The following SOX5 variants were observed in gnomAD, a reference collection of about 807,000 sequenced individuals.
SOX5 encodes SRY-box transcription factor 5.
Under a neutral mutation model 92.0 loss-of-function variants are expected in SOX5, and 9 were observed. That is an observed-to-expected ratio of 0.10 (90% CI 0.06 to 0.17). The LOEUF (loss-of-function observed/expected upper bound fraction) is 0.17, where lower values mean the gene tolerates loss of function less well. Among genes scored for constraint, SOX5 ranks in the 10% least tolerant of loss-of-function variants. The probability of loss-of-function intolerance (pLI) is 1.00; values close to 1 mark genes in which losing one functional copy is unlikely to be tolerated. For synonymous variants in SOX5, 344 were observed against 336.3 expected (o/e 1.02, Z -0.25); for missense variants, 642 against 944.5 (o/e 0.68, Z 4.20).
chr12:23,889,804 A>G (rs1437599384), intron 2 of SOX5, among the ~76,000 whole-genome samples: 1 of 152,188 alleles, frequency 6.6e-6, no homozygotes, highest in Non-Finnish European at 1.5e-5. Flanking sequence ...GTTTAAGCAT[A>G]TTAACATTAA....
chr12:23,538,562 G>T (rs1037146175), intron 13 of SOX5, among the ~76,000 whole-genome samples: 1 of 152,046 alleles, frequency 6.6e-6, no homozygotes, highest in African/African-American at 2.4e-5. Flanking sequence ...TATTCTCAGG[G>T]CCTATATAAA....
chr12:23,535,451 C>T (rs1186244853), intron 14 of SOX5, among the ~76,000 whole-genome samples: 1 of 152,202 alleles, frequency 6.6e-6, no homozygotes, highest in African/African-American at 2.4e-5. Flanking sequence ...ACTTGAAATT[C>T]TTAATAACTT....
At position 23,949,552 on chromosome 12, in the gene SOX5, A is replaced by T. The variant is rs748316904; in HGVS notation, c.38+12T>A. ...GTACTTCAATATATTAGGGGGAAAA[A>T]ACTGTACTCACCTTTCAAACTCCTG... On this transcript the variant is annotated intron_variant, in intron 1 of 14. Coordinates refer to ENST00000451604, the MANE Select transcript of SOX5 (RefSeq NM_006940.6). 9.3e-6 allele frequency: 15 copies of T among 1,613,474 alleles called. No homozygotes were observed. Among genetic ancestry groups the T allele is most frequent in the Non-Finnish European group, 1.3e-5 (15 of 1,179,592 alleles).
chr12:23,983,586 G>C (rs1416326881), intron 4 of SOX5, among the ~76,000 whole-genome samples: 1 of 152,100 alleles, frequency 6.6e-6, no homozygotes, highest in Non-Finnish European at 1.5e-5. Flanking sequence ...AGATTTTTGA[G>C]CAAGCAATTA....
chr12:23,549,139 T>C (rs1943702541), intron 11 of SOX5, among the ~76,000 whole-genome samples: 1 of 152,052 alleles, frequency 6.6e-6, no homozygotes, highest in Non-Finnish European at 1.5e-5. Flanking sequence ...AAAGGTAATA[T>C]TTTGATTCTC....
At chr12:24,193,796 C>T (rs143686903) in intron 4 of SOX5, among the ~76,000 whole-genome samples, 315 of 152,304 alleles carry the variant, frequency 2.1e-3, no homozygotes, top group Middle Eastern at 3.4e-3. Flanking sequence ...AAATTTGGAA[C>T]ACTGCCAACG....
chr12:24,437,891 A>G (rs1339478988), intron 1 of SOX5, among the ~76,000 whole-genome samples: 13 of 152,232 alleles, frequency 8.5e-5, no homozygotes, highest in Non-Finnish European at 1.6e-4. Context: ...TCAAGGATCT[A>G]GAACCAGAAA....
At chr12:24,159,659 G>A (rs1003606177) in intron 4 of SOX5, among the ~76,000 whole-genome samples, 3 of 151,954 alleles carry the variant, frequency 2.0e-5, no homozygotes, top group Non-Finnish European at 4.4e-5. Context: ...GATAGCATAT[G>A]ATAAAACAAA....
chr12:23,832,282 C>T (rs189900291), intron 3 of SOX5, among the ~76,000 whole-genome samples: 40 of 152,088 alleles, frequency 2.6e-4, no homozygotes, highest in African/African-American at 8.4e-4. Context: ...AACTGCCCAA[C>T]TACATATTTA....
At chr12:23,849,612 A>G (rs915166360) in intron 2 of SOX5, among the ~76,000 whole-genome samples, 1 of 152,158 alleles carries the variant, frequency 6.6e-6, no homozygotes, top group African/African-American at 2.4e-5. Context: ...GGTGAACAAG[A>G]CACTTGTCTT....
intron 7 of SOX5, among the ~76,000 whole-genome samples, chr12:23,648,537 G>A (rs891645376): frequency 6.6e-6 from 1 of 152,100 alleles, no homozygotes; most frequent in African/African-American, 2.4e-5. Flanking sequence ...AAATATGTCT[G>A]GTGTTCTTAT....
chr12:24,531,945 A>C (rs1033854439), intron 1 of SOX5, among the ~76,000 whole-genome samples: 3 of 152,216 alleles, frequency 2.0e-5, no homozygotes, highest in Admixed American at 1.3e-4. Context: ...ACAGAGAAAG[A>C]CCTCAAAATT....
chr12:23,842,277 C>T (rs543617679), intron 3 of SOX5, among the ~76,000 whole-genome samples: 1 of 152,110 alleles, frequency 6.6e-6, no homozygotes, highest in South Asian at 2.1e-4. Flanking sequence ...TAGTAGGAGC[C>T]ATATTTCTCA....
intron 3 of SOX5, among the ~76,000 whole-genome samples, chr12:23,824,908 C>T (rs935963574): frequency 6.6e-6 from 1 of 152,182 alleles, no homozygotes; most frequent in Non-Finnish European, 1.5e-5. Flanking sequence ...AAACCGCCTA[C>T]TCAAGCCTCA....
At chr12:24,229,605 T>C (rs1437459561) in intron 3 of SOX5, among the ~76,000 whole-genome samples, 2 of 152,166 alleles carry the variant, frequency 1.3e-5, no homozygotes, top group Non-Finnish European at 2.9e-5. Flanking sequence ...TATTGAGCCA[T>C]GTCATTTATT....
chr12:24,048,967 A>G (rs1957295228), intron 4 of SOX5, among the ~76,000 whole-genome samples: 1 of 152,158 alleles, frequency 6.6e-6, no homozygotes, highest in Non-Finnish European at 1.5e-5. Context: ...TCCATGAATA[A>G]TACTAAAAAA....
intron 9 of SOX5, among the ~76,000 whole-genome samples, chr12:23,578,406 C>G (rs192526173): frequency 4.0e-5 from 6 of 151,474 alleles, no homozygotes; most frequent in Admixed American, 1.3e-4. Context: ...TTTAACAAGC[C>G]TTCATTCCCA....
intron 1 of SOX5, among the ~76,000 whole-genome samples, chr12:24,462,337 C>T (rs1399350461): frequency 6.6e-6 from 1 of 152,126 alleles, no homozygotes; most frequent in Non-Finnish European, 1.5e-5. Flanking sequence ...GACCACCATC[C>T]TATATATTCA....
At chr12:24,029,941 C>A (rs1283783228) in intron 4 of SOX5, among the ~76,000 whole-genome samples, 1 of 151,928 alleles carries the variant, frequency 6.6e-6, no homozygotes, top group African/African-American at 2.4e-5. Flanking sequence ...TTCATATGTG[C>A]CAGGCTCAGT....
Sources: gnomAD v4.1 joint callset for allele counts (sites outside exome capture counted in the v4.1 genomes callset) on GRCh38, gnomAD v4.1.1 for gene constraint, MANE v1.5 for transcripts, NCBI Gene and HGNC (gene_info 2026-07-23, HGNC 2026-07-21) for gene names.